UGT1A7: variants seen among roughly 807,000 people sequenced by gnomAD.
The protein encoded by UGT1A7 is UDP-glucuronosyltransferase 1A7.
Under a neutral mutation model 45.6 loss-of-function variants are expected in UGT1A7, and 33 were observed. That is an observed-to-expected ratio of 0.72 (90% CI 0.55 to 0.97). UGT1A7 has a LOEUF of 0.97. Ranked by LOEUF, UGT1A7 falls within the 50% of genes least tolerant of loss-of-function variation. The probability of loss-of-function intolerance (pLI) is 0.00; values close to 1 mark genes in which losing one functional copy is unlikely to be tolerated. For synonymous variants in UGT1A7, 274 were observed against 250.6 expected, an observed-to-expected ratio of 1.09 and a Z score of -0.88; for missense variants, 684 against 666.2, an observed-to-expected ratio of 1.03 and a Z score of -0.29.
intron 1 of UGT1A7, chr2:233,693,295 T>A (rs149122547): frequency 1.1e-4 from 175 of 1,614,020 alleles, no homozygotes; most frequent in Non-Finnish European, 1.4e-4. Context: ...TTGGAAACAA[T>A]CACTTTGCTG....
intron 1 of UGT1A7, among the ~76,000 whole-genome samples, chr2:233,694,434 A>G (rs1178426313): frequency 6.6e-6 from 1 of 152,168 alleles, no homozygotes; most frequent in Admixed American, 6.5e-5. Flanking sequence ...CAAAGCCTAC[A>G]CATTTACTGA....
At chr2:233,725,740 A>G (rs2077471611) in intron 1 of UGT1A7, among the ~76,000 whole-genome samples, 1 of 152,228 alleles carries the variant, frequency 6.6e-6, no homozygotes. Context: ...AAATGTAAAC[A>G]TTGTAAGAGA....
At position 233,725,264 on chromosome 2, in the gene UGT1A7, G is replaced by GGCAGAGGCA. The variant is rs1216362118; in HGVS notation, c.856-41769_856-41768insCAGAGGCAG. The stretch of plus-strand genomic sequence containing the variant: ...CAGAGGCAGAGGAGGCAGAGGCAGA[G>GGCAGAGGCA]GAGGCAGAGGCAGAGGCAGAGGCAG... On this transcript the variant is annotated intron_variant, in intron 1 of 4. Transcript: ENST00000373426. Among the ~76,000 whole-genome samples, 37 of 58,530 alleles carry GGCAGAGGCA rather than the reference G, an allele frequency of 6.3e-4. 2 individuals are homozygous for GGCAGAGGCA. Among genetic ancestry groups the GGCAGAGGCA allele is most frequent in the African/African-American group, 3.7e-3 (28 of 7,620 alleles). The allele number at this position is 58,530 out of a possible 152,430, so 38.4% of individuals were successfully genotyped here. A position where few individuals can be genotyped will look rare whatever the true frequency, so the allele number is the denominator to read the frequency against.
chr2:233,753,810 A>G (rs1695316193), intron 1 of UGT1A7, among the ~76,000 whole-genome samples: 1 of 152,190 alleles, frequency 6.6e-6, no homozygotes, highest in Non-Finnish European at 1.5e-5. Flanking sequence ...ATAGTTGGAG[A>G]ACCACGTTAG....
chr2:233,701,523 C>T (rs1205561473), intron 1 of UGT1A7, among the ~76,000 whole-genome samples: 2 of 152,142 alleles, frequency 1.3e-5, no homozygotes, highest in African/African-American at 4.8e-5. Context: ...CTCTCCACCC[C>T]AAATCAACAG....
intron 1 of UGT1A7, among the ~76,000 whole-genome samples, chr2:233,763,422 G>A (rs983086025): frequency 2.0e-4 from 31 of 152,076 alleles, no homozygotes; most frequent in Non-Finnish European, 4.1e-4. Context: ...ATCCAGTCAG[G>A]CAGTTGCTTT....
intron 1 of UGT1A7, among the ~76,000 whole-genome samples, chr2:233,689,485 C>A (rs78706067): frequency 0.049 from 7,432 of 152,218 alleles, 277 homozygotes; most frequent in African/African-American, 0.097. Flanking sequence ...AAGAAGAAAT[C>A]GCAAATCAAT....
intron 1 of UGT1A7, among the ~76,000 whole-genome samples, chr2:233,724,489 G>GGTT (rs2077269335): frequency 1.4e-5 from 1 of 73,260 alleles, no homozygotes; most frequent in Non-Finnish European, 2.9e-5. Context: ...CAGACGGGGC[G>GGTT]GCCGGGCAGA....
In UGT1A7 at chr2:233,706,530, AAC is replaced by A. The variant is rs1236374777; in HGVS notation, c.855+23742_855+23743del. Among the ~76,000 whole-genome samples, 8 of 152,328 alleles carry A rather than the reference AAC, an allele frequency of 5.3e-5. No homozygotes were observed. The East Asian group carries it at 1.3e-3, about 26-fold the overall frequency. ...GCTGAGGATTTTACAGCGGCTTAGA[AAC>A]ACAGCTTTTTTTCTAGGTGTTTCTC... On this transcript the variant is annotated intron_variant, in intron 1 of 4. Transcript: ENST00000373426.
chr2:233,687,321 A>G (rs2074832888), intron 1 of UGT1A7, among the ~76,000 whole-genome samples: 1 of 152,152 alleles, frequency 6.6e-6, no homozygotes, highest in Non-Finnish European at 1.5e-5. Context: ...TCTTGATGCA[A>G]GTTTCCCTTG....
chr2:233,687,720 T>C (rs1399699697), intron 1 of UGT1A7, among the ~76,000 whole-genome samples: 1 of 150,430 alleles, frequency 6.6e-6, no homozygotes, highest in Non-Finnish European at 1.5e-5. Flanking sequence ...CTGGACAACA[T>C]AGGGAGACAC....
chr2:233,729,918 C>T (rs748265194), intron 1 of UGT1A7: 1 of 1,613,918 alleles, frequency 6.2e-7, no homozygotes, highest in African/African-American at 1.3e-5. Context: ...TTGTGATGGA[C>T]TACCCCAGGC....
intron 1 of UGT1A7, chr2:233,718,669 A>C (rs2076673773): frequency 1.3e-6 from 2 of 1,549,114 alleles, no homozygotes. Context: ...TTATAGATTA[A>C]TGGGTAATAA....
At chr2:233,707,180 T>G (rs2075945889) in intron 1 of UGT1A7, among the ~76,000 whole-genome samples, 2 of 152,156 alleles carry the variant, frequency 1.3e-5, no homozygotes, top group Non-Finnish European at 2.9e-5. Flanking sequence ...CCATCCTGGG[T>G]GCCTGCCCTC....
At chr2:233,700,071 C>T (rs2075541772) in intron 1 of UGT1A7, among the ~76,000 whole-genome samples, 1 of 152,174 alleles carries the variant, frequency 6.6e-6, no homozygotes, top group Non-Finnish European at 1.5e-5. Context: ...GGTGTCTACC[C>T]AGCAAGGCCC....
intron 1 of UGT1A7, among the ~76,000 whole-genome samples, chr2:233,687,550 G>A (rs1236181081): frequency 6.9e-6 from 1 of 145,060 alleles, no homozygotes; most frequent in African/African-American, 2.6e-5. Context: ...CAAGTAAGTG[G>A]GGGAGCCAGA....
rs780046350 is a variant in UGT1A7, at chr2:233,693,232, A to C, written c.855+10440A>C. 5.7e-5 allele frequency: 92 copies of C among 1,614,070 alleles called. No individual in the cohort carries two copies. In the South Asian group the frequency reaches 9.0e-4, roughly 16 times the overall value. On this transcript the variant is annotated intron_variant, in intron 1 of 4. Coordinates refer to ENST00000373426, the MANE Select transcript of UGT1A7 (RefSeq NM_019077.3). ...AAGAATCCAAATACTACACAAGAAA[A>C]ATCTATCCAGTGCCGTATGACCAAG...
intron 1 of UGT1A7, among the ~76,000 whole-genome samples, chr2:233,688,020 C>T (rs764299629): frequency 1.8e-4 from 27 of 152,342 alleles, no homozygotes; most frequent in Non-Finnish European, 3.7e-4. Flanking sequence ...AATCAACCAT[C>T]ACCAATATCT....
chr2:233,719,241 C>T (rs754909283), intron 1 of UGT1A7: 36 of 1,614,058 alleles, frequency 2.2e-5, no homozygotes, highest in Middle Eastern at 3.3e-4. Flanking sequence ...GATCAGGCAC[C>T]TGAATGCTAC....
Sources: allele counts gnomAD v4.1 joint callset (sites outside exome capture counted in the v4.1 genomes callset), GRCh38; gene constraint gnomAD v4.1.1; transcripts MANE v1.5; gene names NCBI Gene and HGNC (gene_info 2026-07-23, HGNC 2026-07-21).